Variants in ARHGAP10 observed in about 807,000 individuals in gnomAD.
ARHGAP10 encodes the protein rho GTPase-activating protein 10.
Under a neutral mutation model 108.6 loss-of-function variants are expected in ARHGAP10, and 87 were observed. That is an observed-to-expected ratio of 0.80 (90% CI 0.67 to 0.96). The LOEUF (loss-of-function observed/expected upper bound fraction) is 0.96. Among genes scored for constraint, ARHGAP10 ranks in the 40% least tolerant of loss-of-function variants. ARHGAP10 has a pLI of 0.00. For synonymous variants in ARHGAP10, 347 were observed against 341.1 expected (o/e 1.02, Z -0.19); for missense variants, 939 against 954.5 (o/e 0.98, Z 0.21).
At chr4:147,899,430 A>G (rs1272542796) in intron 10 of ARHGAP10, among the ~76,000 whole-genome samples, 2 of 151,834 alleles carry the variant, frequency 1.3e-5, no homozygotes, top group Non-Finnish European at 2.9e-5. Flanking sequence ...TCTTTTTTAC[A>G]TCTTTGCTCT....
intron 11 of ARHGAP10, among the ~76,000 whole-genome samples, chr4:147,909,036 C>T (rs1382419072): frequency 6.6e-6 from 1 of 152,214 alleles, no homozygotes; most frequent in Non-Finnish European, 1.5e-5. Context: ...TGCCTGAGTT[C>T]AGGTGCCCAT....
intron 11 of ARHGAP10, among the ~76,000 whole-genome samples, chr4:147,908,542 A>C (rs1736595947): frequency 6.6e-6 from 1 of 152,222 alleles, no homozygotes; most frequent in Non-Finnish European, 1.5e-5. Context: ...ATATGGGGAC[A>C]CTGAAGGGAC....
chr4:147,983,858 C>CA (rs778078005), intron 18 of ARHGAP10, among the ~76,000 whole-genome samples: 2 of 152,200 alleles, frequency 1.3e-5, no homozygotes, highest in African/African-American at 2.4e-5. Context: ...TTGAAGGTGA[C>CA]AAAACAGTCT....
chr4:147,925,584 T>C (rs1737432209), intron 13 of ARHGAP10, among the ~76,000 whole-genome samples: 1 of 152,182 alleles, frequency 6.6e-6, no homozygotes, highest in Non-Finnish European at 1.5e-5. Context: ...TAGTTGTAAT[T>C]TTGGGGTATT....
At chr4:147,793,187 T>G (rs1422440955) in intron 1 of ARHGAP10, among the ~76,000 whole-genome samples, 1 of 150,750 alleles carries the variant, frequency 6.6e-6, no homozygotes, top group Non-Finnish European at 1.5e-5. Flanking sequence ...TGTGCATATA[T>G]GTGTGTGTGT....
chr4:147,787,591 G>A (rs1730936950), intron 1 of ARHGAP10, among the ~76,000 whole-genome samples: 1 of 152,206 alleles, frequency 6.6e-6, no homozygotes. Context: ...TGTTGAGTCA[G>A]ATGGGATTAG....
intron 13 of ARHGAP10, among the ~76,000 whole-genome samples, chr4:147,931,390 T>A (rs1440611256): frequency 6.6e-6 from 1 of 152,072 alleles, no homozygotes; most frequent in Non-Finnish European, 1.5e-5. Context: ...ACAATATTGA[T>A]ATCAATATCA....
Position 147,955,341 on chromosome 4 carries a change from T to C in ARHGAP10, c.1417T>C (p.Tyr473His), listed in dbSNP as rs748772278. 19 of 1,611,734 alleles carry C rather than the reference T, an allele frequency of 1.2e-5. No homozygotes were observed. Among genetic ancestry groups the C allele is most frequent in the Non-Finnish European group, 1.6e-5 (19 of 1,178,268 alleles). Residue 473 changes from tyrosine to histidine, a missense_variant, in exon 16 of 23, where the codon TAT becomes CAT. Transcript: ENST00000336498. ...GAGTCTTCCAGAGCCTCTCATGACC[T>C]ATGAGTTACATGGAGATTTCATTGT... Reference protein sequence around the residue: ...LRSLPEPLMTYELHGDFIVPA... With the variant: ...LRSLPEPLMTHELHGDFIVPA...
chr4:147,824,275 G>A (rs1732616818), intron 3 of ARHGAP10, among the ~76,000 whole-genome samples: 1 of 151,680 alleles, frequency 6.6e-6, no homozygotes, highest in South Asian at 2.1e-4. Flanking sequence ...TAAGCTGAGA[G>A]TGAACCACTG....
chr4:147,894,329 C>T (rs1480018378), intron 10 of ARHGAP10, among the ~76,000 whole-genome samples: 1 of 152,146 alleles, frequency 6.6e-6, no homozygotes, highest in Non-Finnish European at 1.5e-5. Flanking sequence ...AGCACTTCTT[C>T]CTGTGCTTAT....
chr4:147,943,885 CTG>C (rs1738271638), intron 14 of ARHGAP10, among the ~76,000 whole-genome samples: 1 of 152,180 alleles, frequency 6.6e-6, no homozygotes. Context: ...AACATAGACA[CTG>C]TGTAGTCATT....
At chr4:147,809,973 T>C (rs1303067445) in intron 1 of ARHGAP10, among the ~76,000 whole-genome samples, 1 of 152,242 alleles carries the variant, frequency 6.6e-6, no homozygotes, top group Non-Finnish European at 1.5e-5. Flanking sequence ...AATTTTAAGG[T>C]TGAGACTACT....
At chr4:148,048,999 A>C (rs1381597178) in intron 20 of ARHGAP10, among the ~76,000 whole-genome samples, 1 of 151,354 alleles carries the variant, frequency 6.6e-6, no homozygotes, top group Non-Finnish European at 1.5e-5. Flanking sequence ...TCTATTTCAG[A>C]AACTTGATTT....
At chr4:147,743,914 G>A (rs572594178) in intron 1 of ARHGAP10, among the ~76,000 whole-genome samples, 18 of 152,106 alleles carry the variant, frequency 1.2e-4, no homozygotes, top group Non-Finnish European at 1.8e-4. Context: ...TTTGCTAGGC[G>A]TAGAAAAAAA....
intron 18 of ARHGAP10, among the ~76,000 whole-genome samples, chr4:147,989,914 G>A (rs1740206279): frequency 6.6e-6 from 1 of 152,204 alleles, no homozygotes; most frequent in Non-Finnish European, 1.5e-5. Flanking sequence ...TATGTTTAGA[G>A]ATTGCAGTAA....
intron 18 of ARHGAP10, among the ~76,000 whole-genome samples, chr4:147,981,431 T>A (rs544984313): frequency 1.3e-5 from 2 of 152,218 alleles, no homozygotes; most frequent in South Asian, 4.1e-4. Context: ...ATGCTTGGTA[T>A]GATTTCAGTT....
At chr4:148,070,419 A>T (rs1381408999) in intron 22 of ARHGAP10, among the ~76,000 whole-genome samples, 1 of 152,234 alleles carries the variant, frequency 6.6e-6, no homozygotes, top group Non-Finnish European at 1.5e-5. Context: ...GTCTGCAGAC[A>T]GCCGGAATGT....
rs75027476 is a variant in ARHGAP10 at position 147,795,256 on chromosome 4, T to C, written c.155-27471T>C. ...AGCCACCATGCTATGCCCATTTGAG[T>C]TTTGATATGTAATCTACTTGCCTTT... is the stretch of plus-strand genomic sequence containing the variant. On this transcript the variant is annotated intron_variant, in intron 1 of 22. Transcript: ENST00000336498. Among the ~76,000 whole-genome samples the C allele has an allele frequency of 8.2e-3, 1,242 of 152,236 alleles. 15 individuals carry two copies. Among genetic ancestry groups the C allele is most frequent in the African/African-American group, 0.029 (1,189 of 41,522 alleles).
At position 148,062,101 on chromosome 4, in the gene ARHGAP10, C is replaced by T. The variant is rs1232869742; in HGVS notation, c.2028-1047C>T. ...GACAGGGTAGGCTGCTGGGGCGGGA[C>T]GGCCCCTGGTAGGTGAGCAGGTGCA... On this transcript the variant is annotated intron_variant, in intron 20 of 22. Coordinates refer to ENST00000336498, the MANE Select transcript of ARHGAP10 (RefSeq NM_024605.4). 1.2e-4 allele frequency among the ~76,000 whole-genome samples: 18 copies of T among 152,124 alleles called. 1 individual carries two copies. Among genetic ancestry groups the T allele is most frequent in the Admixed American group, 1.0e-3 (16 of 15,264 alleles).
Sources: gnomAD v4.1 joint callset for allele counts (sites outside exome capture counted in the v4.1 genomes callset) on GRCh38, gnomAD v4.1.1 for gene constraint, MANE v1.5 for transcripts, NCBI Gene and HGNC (gene_info 2026-07-23, HGNC 2026-07-21) for gene names.